BMPER: variants seen among roughly 807,000 people sequenced by gnomAD.
BMPER encodes the protein BMP-binding endothelial regulator protein.
A neutral mutation model predicts 87.3 loss-of-function variants in BMPER; 45 were observed. The observed-to-expected ratio is 0.52, with a 90% CI of 0.41 to 0.66. The LOEUF (loss-of-function observed/expected upper bound fraction) is 0.66, where lower values mean the gene tolerates loss of function less well. Ranked by LOEUF, BMPER falls within the 30% of genes least tolerant of loss-of-function variation. The pLI is 0.00. For missense variants in BMPER, 784 were observed against 867.5 expected (o/e 0.90, Z 1.21); for synonymous variants, 326 against 316.2 (o/e 1.03, Z -0.33).
At chr7:34,034,346 G>A (rs529353386) in intron 6 of BMPER, among the ~76,000 whole-genome samples, 1 of 152,144 alleles carries the variant, frequency 6.6e-6, no homozygotes, top group Non-Finnish European at 1.5e-5. Context: ...TCATCTTTCA[G>A]TAGGAAGATG....
chr7:34,143,039 A>T lies in BMPER; in HGVS notation c.1746-191A>T, dbSNP rs143564928. Among the ~76,000 whole-genome samples the T allele has an allele frequency of 1.1e-3, 172 of 152,342 alleles. 1 individual carries two copies. The highest frequency in any genetic ancestry group is 3.0e-3 in the African/African-American group (123 of 41,582). On this transcript the variant is annotated intron_variant, in intron 13 of 14. Transcript: ENST00000649409. ...TGCTCTAGAGGAAAGGAAATCTAATATCACACTGTTCAAAGGTATCCAGCA... is the reference window on the plus strand; with the variant it reads ...TGCTCTAGAGGAAAGGAAATCTAATTTCACACTGTTCAAAGGTATCCAGCA...
At chr7:33,944,410 A>C (rs1486027241) in intron 3 of BMPER, among the ~76,000 whole-genome samples, 1 of 152,040 alleles carries the variant, frequency 6.6e-6, no homozygotes, top group Non-Finnish European at 1.5e-5. Flanking sequence ...CAAGTGATCC[A>C]CCTGCGTTGG....
chr7:33,983,583 A>AG (rs1785918498), intron 6 of BMPER, among the ~76,000 whole-genome samples: 1 of 151,898 alleles, frequency 6.6e-6, no homozygotes, highest in Non-Finnish European at 1.5e-5. Context: ...TTGTTTAAAA[A>AG]CAAACAAACA....
chr7:34,057,246 A>T (rs943750368), intron 9 of BMPER, among the ~76,000 whole-genome samples: 1 of 152,152 alleles, frequency 6.6e-6, no homozygotes, highest in African/African-American at 2.4e-5. Context: ...GTTGTCTGTG[A>T]TCTTTTTTAC....
intron 5 of BMPER, among the ~76,000 whole-genome samples, chr7:33,972,480 G>A (rs1276136746): frequency 6.6e-6 from 1 of 152,198 alleles, no homozygotes; most frequent in East Asian, 1.9e-4. Context: ...GAAGGAAAGG[G>A]CTGAACTCCA....
intron 13 of BMPER, among the ~76,000 whole-genome samples, chr7:34,116,797 C>A (rs1029058958): frequency 1.3e-5 from 2 of 152,056 alleles, no homozygotes; most frequent in Admixed American, 6.5e-5. Context: ...TGAGACCAGC[C>A]TGGCCAACAT....
intron 6 of BMPER, among the ~76,000 whole-genome samples, chr7:34,012,088 G>A (rs1786898547): frequency 6.6e-6 from 1 of 151,870 alleles, no homozygotes; most frequent in Non-Finnish European, 1.5e-5. Flanking sequence ...GGAAATAAGA[G>A]AAATCAGTTT....
chr7:33,961,885 TG>T (rs775107452), intron 3 of BMPER, among the ~76,000 whole-genome samples: 20 of 152,056 alleles, frequency 1.3e-4, no homozygotes, highest in Admixed American at 3.9e-4. Flanking sequence ...AAAGGTAGGT[TG>T]GGGGCATGTT....
intron 13 of BMPER, among the ~76,000 whole-genome samples, chr7:34,133,272 T>G (rs1017073795): frequency 2.0e-5 from 3 of 152,028 alleles, no homozygotes; most frequent in Non-Finnish European, 4.4e-5. Flanking sequence ...GAAAGTTGAG[T>G]TGATCACCAA....
intron 6 of BMPER, among the ~76,000 whole-genome samples, chr7:34,008,088 A>C (rs1040380919): frequency 2.6e-5 from 4 of 152,038 alleles, no homozygotes; most frequent in Admixed American, 2.6e-4. Flanking sequence ...ATATTTATCA[A>C]ATTTAAGAAG....
intron 13 of BMPER, among the ~76,000 whole-genome samples, chr7:34,097,017 A>C (rs1421235113): frequency 6.6e-6 from 1 of 152,242 alleles, no homozygotes; most frequent in African/African-American, 2.4e-5. Flanking sequence ...CATGTTAATG[A>C]ATGAGCAAAA....
intron 13 of BMPER, among the ~76,000 whole-genome samples, chr7:34,102,144 C>T: frequency 1.7e-5 from 1 of 58,376 alleles, no homozygotes; most frequent in East Asian, 1.5e-3. Flanking sequence ...TGCCTTTTCT[C>T]CATTTTTTTT....
In BMPER at chr7:33,937,100, C is replaced by A. The variant is rs544718668; in HGVS notation, c.220-189C>A. On this transcript the variant is annotated intron_variant, in intron 2 of 14. Transcript: ENST00000649409. ...ATCTCCTCTCATCTGACTCTGATCT[C>A]CAAAGTCCTGTGTTCCTGGATGGGT... 2.0e-5 allele frequency among the ~76,000 whole-genome samples: 3 copies of A among 152,282 alleles called. No homozygotes were observed. In the East Asian group the frequency reaches 5.8e-4, roughly 29 times the overall value.
chr7:33,994,505 C>A (rs1000281722), intron 6 of BMPER, among the ~76,000 whole-genome samples: 7 of 152,200 alleles, frequency 4.6e-5, no homozygotes, highest in Non-Finnish European at 7.3e-5. Context: ...CACCCACTGA[C>A]CTGTGCCCAC....
intron 12 of BMPER, among the ~76,000 whole-genome samples, chr7:34,082,389 A>G (rs2127975620): frequency 8.3e-6 from 1 of 120,894 alleles, no homozygotes. Flanking sequence ...GATTTTGCTC[A>G]TGTAGAGGGT....
At chr7:33,905,438 T>TCCCCCCCCCCCCCCCCCCACCCCCC, upstream of BMPER, 3 of 23,004 alleles carry the variant, frequency 1.3e-4, no homozygotes, top group Admixed American at 6.0e-4. Context: ...CCTTGGTCTC[T>TCCCCCCCCCCCCCCCCCCACCCCCC]CCCCCCGCCC....
At chr7:33,964,598 A>G (rs537838466) in intron 3 of BMPER, among the ~76,000 whole-genome samples, 18 of 152,288 alleles carry the variant, frequency 1.2e-4, no homozygotes, top group African/African-American at 4.1e-4. Context: ...TGGACCATTT[A>G]TTCCAATACC....
intron 11 of BMPER, among the ~76,000 whole-genome samples, chr7:34,065,199 ACTCACTCT>A (rs1193735324): frequency 0.01 from 973 of 94,126 alleles, 12 homozygotes; most frequent in African/African-American, 0.031. Flanking sequence ...ACACATACAC[ACTCACTCT>A]CTCTCTCTCT....
chr7:34,023,816 G>A lies in BMPER; in HGVS notation c.577-22490G>A, dbSNP rs540068819. Among the ~76,000 whole-genome samples, 4 of 152,122 alleles carry A rather than the reference G, an allele frequency of 2.6e-5. No homozygotes were observed. In the East Asian group the frequency reaches 7.8e-4, roughly 30 times the overall value. The stretch of plus-strand genomic sequence containing the variant: ...ATTTGTGATCACTTGGGTTTAGTTA[G>A]TGTTTTGGCCCATTTTATTAAGAGG... On this transcript the variant is annotated intron_variant, in intron 6 of 14. Transcript: ENST00000649409.
Sources: allele counts gnomAD v4.1 joint callset (sites outside exome capture counted in the v4.1 genomes callset), GRCh38; gene constraint gnomAD v4.1.1; transcripts MANE v1.5; gene names NCBI Gene and HGNC (gene_info 2026-07-23, HGNC 2026-07-21).